Variants in TSPAN10 observed in about 807,000 individuals in gnomAD.
TSPAN10 encodes tetraspanin 10.
In TSPAN10, 11 loss-of-function variants were observed where a neutral mutation model predicts 15.0. That is an observed-to-expected ratio of 0.73 (90% CI 0.46 to 1.21). The LOEUF is 1.21. TSPAN10 is among the 50% of genes most tolerant of loss of function. The pLI, the probability that TSPAN10 is intolerant of heterozygous loss-of-function variation, is 0.00. For synonymous variants in TSPAN10, 241 were observed against 226.2 expected, an observed-to-expected ratio of 1.07 and a Z score of -0.59; for missense variants, 486 against 470.6, an observed-to-expected ratio of 1.03 and a Z score of -0.30.
upstream of TSPAN10, chr17:81,637,439 T>A: frequency 1.5e-6 from 1 of 668,498 alleles, no homozygotes; most frequent in Non-Finnish European, 2.7e-6. Flanking sequence ...GAAGGCAGGA[T>A]CACACCTTCA....
chr17:81,640,725 G>A (rs1598708149), upstream of TSPAN10, among the ~76,000 whole-genome samples: 1 of 152,204 alleles, frequency 6.6e-6, no homozygotes, highest in South Asian at 2.1e-4. Flanking sequence ...TGGAATTACA[G>A]GTGTGAGCTA....
exon 3 of TSPAN10, chr17:81,648,019 C>T: frequency 6.2e-7 from 1 of 1,607,854 alleles, no homozygotes; most frequent in Non-Finnish European, 8.5e-7. Flanking sequence ...GGTCCTGCGC[C>T]TGGATGCGGA....
chr17:81,648,235 G>GCTGGCCCCCAGAGCC, exon 3 of TSPAN10: 4 of 1,255,370 alleles, frequency 3.2e-6, no homozygotes, highest in Non-Finnish European at 4.0e-6. Flanking sequence ...GGAGGACCGC[G>GCTGGCCCCCAGAGCC]CTGGCCCCCA....
At chr17:81,642,284 G>C, upstream of TSPAN10, 1 of 1,041,762 alleles carries the variant, frequency 9.6e-7, no homozygotes, top group Non-Finnish European at 1.5e-6. Flanking sequence ...CCATTCCCAT[G>C]CCCAGGGCTG....
chr17:81,644,076 C>T (rs1420914174), intron 1 of TSPAN10, among the ~76,000 whole-genome samples: 2 of 151,156 alleles, frequency 1.3e-5, no homozygotes, highest in Non-Finnish European at 2.9e-5. Context: ...CTCGAATTCC[C>T]GACCTCAGGT....
intron 2 of TSPAN10, chr17:81,647,384 G>A (rs1211790860): frequency 4.4e-6 from 2 of 456,150 alleles, no homozygotes; most frequent in Non-Finnish European, 8.8e-6. Flanking sequence ...GCCTGACCTG[G>A]GCTGTGATGA....
exon 3 of TSPAN10, chr17:81,648,176 G>C (rs756871945): frequency 6.3e-5 from 90 of 1,434,942 alleles, no homozygotes; most frequent in Non-Finnish European, 8.1e-5. Flanking sequence ...CGGCTACTCG[G>C]GGCCCTCGCT....
chr17:81,645,927 C>A, intron 2 of TSPAN10: 1 of 554,148 alleles, frequency 1.8e-6, no homozygotes, highest in South Asian at 2.1e-5. Flanking sequence ...TTCATACACA[C>A]ACGTGTCATG....
At chr17:81,640,764 G>T (rs2036170804), upstream of TSPAN10, among the ~76,000 whole-genome samples, 1 of 152,066 alleles carries the variant, frequency 6.6e-6, no homozygotes, top group South Asian at 2.1e-4. Context: ...GGCCTTTAAA[G>T]GCCCTGTCTC....
chr17:81,644,991 G>A lies in TSPAN10; in HGVS notation c.37-1G>A, dbSNP rs1437211354. On this transcript the variant is annotated splice_acceptor_variant, in intron 1 of 2. Transcript: ENST00000611590. LOFTEE classifies it high-confidence loss of function. ...TCACCCTGTTCCTCTTCCCTCTGCA[G>A]GAAACTGCAGGCCAGAAGCCCCTCT... is the stretch of plus-strand genomic sequence containing the variant. The A allele has an allele frequency of 1.9e-6, 3 of 1,610,452 alleles. No individual in the cohort carries two copies. Among genetic ancestry groups the A allele is most frequent in the Admixed American group, 1.7e-5 (1 of 59,800 alleles).
chr17:81,645,503 AG>A lies in TSPAN10; in HGVS notation c.549del (p.Glu183AspfsTer28). 6.3e-7 allele frequency: 1 copy of A among 1,585,422 alleles called. No individual in the cohort carries two copies. ...TGGGGCCCGCTGCAAGACAGCCTGG[AG>A]CACACCCTGCGTGTGGCCATCGCCC... On this transcript the variant is annotated frameshift_variant, in exon 2 of 3. Coordinates refer to ENST00000611590, the Ensembl canonical transcript of TSPAN10. LOFTEE classifies it high-confidence loss of function.
chr17:81,642,394 T>G (rs2036186837), upstream of TSPAN10: 1 of 1,613,388 alleles, frequency 6.2e-7, no homozygotes, highest in Non-Finnish European at 8.5e-7. Context: ...GCTGGGGGCT[T>G]TCTGTTCCAG....
intron 2 of TSPAN10, 37 bp downstream of exon 3, chr17:81,645,666 A>C (rs1255306638): frequency 6.2e-7 from 1 of 1,605,544 alleles, no homozygotes; most frequent in South Asian, 1.1e-5. Flanking sequence ...GGGCCACCAC[A>C]GGGTCGCAGA....
At chr17:81,645,889 C>G (rs1357287464) in intron 2 of TSPAN10, 21 of 602,434 alleles carry the variant, frequency 3.5e-5, no homozygotes, top group Non-Finnish European at 4.7e-5. Flanking sequence ...CAGCCTCACA[C>G]TCAGGCACAC....
upstream of TSPAN10, among the ~76,000 whole-genome samples, chr17:81,639,821 A>T (rs546841658): frequency 2.1e-4 from 32 of 149,336 alleles, no homozygotes; most frequent in South Asian, 6.3e-4. Flanking sequence ...TATTAAAAAT[A>T]AAAAAAAAAT....
upstream of TSPAN10, among the ~76,000 whole-genome samples, chr17:81,640,574 A>G (rs7211615): frequency 0.61 from 92,744 of 151,792 alleles, 30,236 homozygotes; most frequent in East Asian, 0.99. Flanking sequence ...TCAGCCTCCC[A>G]TGTAGCTGGG....
At chr17:81,638,086 AATTAT>A, upstream of TSPAN10, 1 of 41,094 alleles carries the variant, frequency 2.4e-5, no homozygotes, top group Middle Eastern at 9.8e-3. Flanking sequence ...TAATTGATTA[AATTAT>A]GTTAGTAATT....
At chr17:81,640,259 T>C (rs1438643819), upstream of TSPAN10, among the ~76,000 whole-genome samples, 2 of 152,126 alleles carry the variant, frequency 1.3e-5, no homozygotes, top group Non-Finnish European at 1.5e-5. Context: ...AGTGCTTAGA[T>C]TACAGGCATA....
chr17:81,646,013 A>C, intron 2 of TSPAN10: 3 of 338,304 alleles, frequency 8.9e-6, no homozygotes, highest in East Asian at 9.7e-5. Context: ...GGCCCCCAGA[A>C]CGTGCAGGGT....
Sources: allele counts gnomAD v4.1 joint callset (sites outside exome capture counted in the v4.1 genomes callset), GRCh38; gene constraint gnomAD v4.1.1; transcripts MANE v1.5; gene names NCBI Gene and HGNC (gene_info 2026-07-23, HGNC 2026-07-21).